Variants in BEND2 observed in about 807,000 individuals in gnomAD.
BEND2 encodes BEN domain-containing protein 2.
A neutral mutation model predicts 43.8 loss-of-function variants in BEND2; 19 were observed. That is an observed-to-expected ratio of 0.43 (90% CI 0.30 to 0.64). BEND2 has a LOEUF of 0.64. Ranked by LOEUF, BEND2 falls within the 30% of genes least tolerant of loss-of-function variation. BEND2 has a pLI of 0.11. For missense variants in BEND2, 544 were observed against 574.0 expected (o/e 0.95, Z 0.53); for synonymous variants, 226 against 210.1 (o/e 1.08, Z -0.66).
At position 18,189,279 on chromosome X, in the gene BEND2, G is replaced by A. The variant is rs141706026; in HGVS notation, c.1288+1722C>T. Among the ~76,000 whole-genome samples, 388 of 110,703 alleles carry A rather than the reference G, an allele frequency of 3.5e-3. 3 individuals carry two copies. The East Asian group carries it at 0.056, about 16-fold the overall frequency. On this transcript the variant is annotated intron_variant, in intron 8 of 13. Coordinates refer to ENST00000380033, the MANE Select transcript of BEND2 (RefSeq NM_153346.5). The stretch of plus-strand genomic sequence containing the variant: ...TCCTAGTACTTTGGGAGGCCAAGGC[G>A]GGAAGACTGCTTGAGCCCAGGAGAT...
chrX:18,188,671 G>C (rs1924653978), intron 8 of BEND2, among the ~76,000 whole-genome samples: 1 of 111,498 alleles, frequency 9.0e-6, no homozygotes, highest in Non-Finnish European at 1.9e-5. Context: ...AGACCCAAAG[G>C]CTTCACTGCT....
chrX:18,188,079 G>C (rs2147406653), intron 8 of BEND2, among the ~76,000 whole-genome samples: 1 of 111,121 alleles, frequency 9.0e-6, no homozygotes, highest in Non-Finnish European at 1.9e-5. Context: ...CATCAAAAAA[G>C]AAGAAAAACT....
In BEND2 at chrX:18,176,092, T is replaced by C. The variant is rs1924139781; in HGVS notation, c.1632A>G (p.Glu544=). 1.7e-6 allele frequency: 2 copies of C among 1,186,605 alleles called. No individual in the cohort carries two copies. Among genetic ancestry groups the C allele is most frequent in the Non-Finnish European group, 2.3e-6 (2 of 886,925 alleles). ...LDPNKMAALR[E]YLATTFPTCD... is the part of the protein sequence containing the mutation. ...AGGTGGGAAAAGTTGTTGCCAGATA[T>C]TCTGCAAACAGCAGAAAGTATTCAC... Residue 544 remains glutamate (E), a splice_region_variant and synonymous_variant, in exon 11 of 14, where the codon GAA becomes GAG. Coordinates refer to ENST00000380033, the MANE Select transcript of BEND2 (RefSeq NM_153346.5).
intron 8 of BEND2, among the ~76,000 whole-genome samples, chrX:18,188,444 C>T (rs960752936): frequency 1.8e-5 from 2 of 111,109 alleles, no homozygotes; most frequent in African/African-American, 6.5e-5. Context: ...AAAAAGGAGA[C>T]ATTACAACTG....
At chrX:18,201,727 A>T in intron 6 of BEND2, 88 bp downstream of exon 6, 1 of 992,043 alleles carries the variant, frequency 1.0e-6, no homozygotes, top group Non-Finnish European at 1.3e-6. Flanking sequence ...TTCTGATGTC[A>T]GGTGATGCAC....
intron 5 of BEND2, 28 bp downstream of exon 5, chrX:18,203,473 T>A (rs1441046851): frequency 1.7e-6 from 2 of 1,166,793 alleles, no homozygotes; most frequent in African/African-American, 3.5e-5. Flanking sequence ...AAGAATGCTA[T>A]CTGTAATATG....
chrX:18,193,359 G>GAAAAT (rs1555908715), intron 7 of BEND2, among the ~76,000 whole-genome samples: 1 of 103,654 alleles, frequency 9.6e-6, no homozygotes, highest in Non-Finnish European at 2.0e-5. Flanking sequence ...GAAAAGAAAA[G>GAAAAT]AAAAAGAGTA....
At chrX:18,170,336 G>A (rs1452031905) in intron 13 of BEND2, among the ~76,000 whole-genome samples, 1 of 111,863 alleles carries the variant, frequency 8.9e-6, no homozygotes, top group Non-Finnish European at 1.9e-5. Context: ...GAAACAATTG[G>A]GTTAGATGAT....
intron 4 of BEND2, among the ~76,000 whole-genome samples, chrX:18,211,716 G>A (rs1011272902): frequency 4.5e-5 from 5 of 110,227 alleles, no homozygotes; most frequent in Admixed American, 9.7e-5. Flanking sequence ...CCGGGAGGTG[G>A]AGGTTGCGGT....
intron 4 of BEND2, among the ~76,000 whole-genome samples, chrX:18,210,702 AG>A (rs1418691303): frequency 8.9e-6 from 1 of 112,452 alleles, no homozygotes; most frequent in Admixed American, 9.5e-5. Flanking sequence ...GGACAAGACA[AG>A]AAACACTTAA....
At chrX:18,188,385 A>G (rs1488025596) in intron 8 of BEND2, among the ~76,000 whole-genome samples, 2 of 110,968 alleles carry the variant, frequency 1.8e-5, no homozygotes, top group Non-Finnish European at 3.8e-5. Flanking sequence ...ATAATAAAAA[A>G]AAAGAAAAAG....
chrX:18,216,554 C>A lies in BEND2; in HGVS notation c.205G>T (p.Asp69Tyr), dbSNP rs143106551. ...ATTTGGAGTGGACGGTGATGGCCAT[C>A]ATTGCCGCCTGGAAAATTTGGTTGT... The part of the protein sequence containing the change: ...ATQPNFPGGN[D>Y]GHHRPLQMSY... The change falls in exon 2 of 14, where the codon GAT (aspartate) becomes TAT (tyrosine). Residue 69 changes from aspartate to tyrosine, a missense_variant. Asp to Tyr is a radical substitution (Grantham distance 160). Coordinates refer to ENST00000380033, the MANE Select transcript of BEND2 (RefSeq NM_153346.5). 4 of 1,206,477 alleles carry A rather than the reference C, an allele frequency of 3.3e-6. No homozygotes were observed. The highest frequency in any genetic ancestry group is 3.5e-5 in the African/African-American group (2 of 56,997).
At chrX:18,171,341 T>C in intron 12 of BEND2, 137 bp from the exon 13 acceptor site, 1 of 665,364 alleles carries the variant, frequency 1.5e-6, no homozygotes. Flanking sequence ...TTTAAGGCCT[T>C]ACATTTTTAT....
Position 18,195,335 on chromosome X carries a change from A to G in BEND2, c.1141T>C (p.Tyr381His). ...ATGGGAAGATATGAAGAGGCTGGAT[A>G]TGGGGCACTCGTATTTCCCGATAAA... ...PALSGNTSAP[Y>H]PASSYLPITS... is the part of the protein sequence containing the mutation. The change falls in exon 7 of 14, where the codon TAT becomes CAT. Residue 381 changes from tyrosine (Y) to histidine (H), a missense_variant. This residue lies in a region of BEND2 where 501 missense variants were observed against 501.6 expected (regional missense o/e 1.00). Transcript: ENST00000380033. The G allele has an allele frequency of 8.3e-7, 1 of 1,209,117 alleles. No individual in the cohort carries two copies.
At chrX:18,214,073 T>C (rs763981617) in intron 2 of BEND2, among the ~76,000 whole-genome samples, 162 bp from the exon 3 acceptor site, 35 of 111,243 alleles carry the variant, frequency 3.1e-4, no homozygotes, top group African/African-American at 1.0e-3. Flanking sequence ...ACAAAGGAAC[T>C]ATACAGCAGT....
At chrX:18,215,510 C>A (rs4825355) in intron 2 of BEND2, among the ~76,000 whole-genome samples, 4,051 of 111,793 alleles carry the variant, frequency 0.036, 255 homozygotes, top group Admixed American at 0.22. Context: ...AGCTCATAAG[C>A]TAAGATATTA....
Position 18,186,808 on chromosome X carries a change from A to C in BEND2, c.1288+4193T>G, listed in dbSNP as rs1272876794. Among the ~76,000 whole-genome samples the C allele has an allele frequency of 2.7e-5, 3 of 109,319 alleles. No homozygotes were observed. In the East Asian group the frequency reaches 8.6e-4, roughly 32 times the overall value. The allele number at this position is 109,319 out of a possible 115,157, so 94.9% of individuals were successfully genotyped here. On this transcript the variant is annotated intron_variant, in intron 8 of 13. Coordinates refer to ENST00000380033, the MANE Select transcript of BEND2 (RefSeq NM_153346.5). ...TGGCGAAACCCTATCACTACAAAAA[A>C]TACAAAAAGTTTTCCGGGTATGGGG...
intron 3 of BEND2, among the ~76,000 whole-genome samples, chrX:18,213,128 G>A (rs1036615875): frequency 8.9e-6 from 1 of 111,756 alleles, no homozygotes; most frequent in Non-Finnish European, 1.9e-5. Flanking sequence ...CTCCTCATCT[G>A]CCAGGTTAAC....
intron 7 of BEND2, among the ~76,000 whole-genome samples, chrX:18,194,718 A>C (rs753730135): frequency 8.1e-5 from 9 of 111,573 alleles, no homozygotes; most frequent in African/African-American, 1.3e-4. Flanking sequence ...AGCTGAGTGA[A>C]AAAAAATCCA....
Sources: gnomAD v4.1 joint callset for allele counts (sites outside exome capture counted in the v4.1 genomes callset) on GRCh38, gnomAD v4.1.1 for gene constraint, gnomAD v4.1.1 regional missense constraint, MANE v1.5 for transcripts, NCBI Gene and HGNC (gene_info 2026-07-23, HGNC 2026-07-21) for gene names.